Variants in NETO1 observed in about 807,000 individuals in gnomAD.
NETO1 encodes the protein neuropilin and tolloid-like protein 1.
NETO1 carries 26 observed loss-of-function variants against 61.3 expected under a neutral mutation model. The ratio of observed to expected loss-of-function variants is 0.42; its 90% confidence interval spans 0.31 to 0.59. The LOEUF is 0.59. Among genes scored for constraint, NETO1 ranks in the 20% least tolerant of loss-of-function variants. The probability of loss-of-function intolerance (pLI) is 0.12; values close to 1 mark genes in which losing one functional copy is unlikely to be tolerated. For synonymous variants in NETO1, 225 were observed against 225.8 expected (o/e 1.00, Z 0.03); for missense variants, 531 against 662.8 (o/e 0.80, Z 2.18).
chr18:72,823,900 G>A (rs2145319842), intron 4 of NETO1, among the ~76,000 whole-genome samples: 1 of 152,180 alleles, frequency 6.6e-6, no homozygotes, highest in East Asian at 1.9e-4. Flanking sequence ...CCCCTAAACA[G>A]AGGAGAAGCT....
rs1346506095 is a variant in NETO1 at position 72,835,251 on chromosome 18, G to A, written c.469+23575C>T. ...CGTTCTGGGCACCACAGCATCCAGA[G>A]ATGAGATGATGGAGAAGGAGAGATC... On this transcript the variant is annotated intron_variant, in intron 4 of 10. Coordinates refer to ENST00000327305, the MANE Select transcript of NETO1 (RefSeq NM_138966.5). 7 of 1,543,456 alleles carry A rather than the reference G, an allele frequency of 4.5e-6. No homozygotes were observed. The East Asian group carries it at 6.9e-5, about 15-fold the overall frequency.
intron 4 of NETO1, among the ~76,000 whole-genome samples, chr18:72,801,814 C>T (rs2072517013): frequency 6.6e-6 from 1 of 151,992 alleles, no homozygotes; most frequent in Admixed American, 6.6e-5. Flanking sequence ...AATATTTCCT[C>T]TTAAATAAAA....
At chr18:72,774,438 T>C (rs1311553234) in intron 7 of NETO1, among the ~76,000 whole-genome samples, 1 of 152,180 alleles carries the variant, frequency 6.6e-6, no homozygotes, top group Non-Finnish European at 1.5e-5. Flanking sequence ...AAAATTATTC[T>C]AAATATAATC....
intron 4 of NETO1, among the ~76,000 whole-genome samples, chr18:72,797,160 T>C (rs1043233952): frequency 7.2e-5 from 11 of 152,188 alleles, no homozygotes; most frequent in African/African-American, 2.7e-4. Flanking sequence ...TATCTCCTTC[T>C]TGATTAGAAG....
At chr18:72,801,751 A>T (rs1158689416) in intron 4 of NETO1, among the ~76,000 whole-genome samples, 1 of 152,176 alleles carries the variant, frequency 6.6e-6, no homozygotes, top group African/African-American at 2.4e-5. Context: ...ATCTAATTTG[A>T]AATCTTTTGT....
chr18:72,850,164 A>T lies in NETO1; in HGVS notation c.469+8662T>A, dbSNP rs1016689489. On this transcript the variant is annotated intron_variant, in intron 4 of 10. Transcript: ENST00000327305. ...TGTGGGGAGGGTATATTATCTGGCT[A>T]CTATACATGGCTTCTAGTTTTTAAC... is the stretch of plus-strand genomic sequence containing the variant. 2.8e-4 allele frequency among the ~76,000 whole-genome samples: 42 copies of T among 152,248 alleles called. 1 individual carries two copies. The highest frequency in any genetic ancestry group is 8.8e-5 in the Non-Finnish European group (6 of 68,042).
At chr18:72,764,570 G>C (rs2071088664) in intron 7 of NETO1, among the ~76,000 whole-genome samples, 1 of 151,976 alleles carries the variant, frequency 6.6e-6, no homozygotes, top group African/African-American at 2.4e-5. Context: ...ATTTTCATCA[G>C]ACACAGAGCC....
At chr18:72,802,062 A>T (rs538793290) in intron 4 of NETO1, among the ~76,000 whole-genome samples, 5 of 152,256 alleles carry the variant, frequency 3.3e-5, no homozygotes, top group Admixed American at 6.5e-5. Flanking sequence ...CCTCCACTTT[A>T]TAGATGTTAA....
chr18:72,836,419 A>C (rs568532539), intron 4 of NETO1, among the ~76,000 whole-genome samples: 1 of 152,282 alleles, frequency 6.6e-6, no homozygotes, highest in African/African-American at 2.4e-5. Context: ...AACTTTAATT[A>C]ATGATTTAAA....
chr18:72,831,170 T>C (rs890961091), intron 4 of NETO1, among the ~76,000 whole-genome samples: 2 of 152,224 alleles, frequency 1.3e-5, no homozygotes, highest in Non-Finnish European at 2.9e-5. Context: ...TCCTTCTCGA[T>C]ATTTCTTAGC....
At chr18:72,867,166 G>T (rs6566677) in intron 1 of NETO1, 98 bp downstream of exon 1, 190,862 of 901,002 alleles carry the variant, frequency 0.21, 23,411 homozygotes, top group Middle Eastern at 0.3. Context: ...GGGTCCGCCG[G>T]AGCGCGGCGC....
intron 4 of NETO1, among the ~76,000 whole-genome samples, chr18:72,816,440 A>C (rs1599061495): frequency 6.6e-6 from 1 of 152,074 alleles, no homozygotes; most frequent in Non-Finnish European, 1.5e-5. Context: ...CAAAATGAAA[A>C]GAAGTCCCTA....
chr18:72,772,423 G>A (rs2145180723), intron 7 of NETO1, among the ~76,000 whole-genome samples: 1 of 152,056 alleles, frequency 6.6e-6, no homozygotes, highest in Non-Finnish European at 1.5e-5. Context: ...CTCCTTGTTT[G>A]AATCATCTAA....
chr18:72,806,278 T>C (rs76760297), intron 4 of NETO1, among the ~76,000 whole-genome samples: 2,000 of 152,214 alleles, frequency 0.013, 48 homozygotes, highest in African/African-American at 0.046. Flanking sequence ...GAGAAAACAA[T>C]CAGGGACAAT....
downstream of NETO1, among the ~76,000 whole-genome samples, chr18:72,743,290 G>A (rs2070369600): frequency 6.6e-6 from 1 of 152,076 alleles, no homozygotes; most frequent in Non-Finnish European, 1.5e-5. Flanking sequence ...ACTCTAGGTG[G>A]AAATTTCTCC....
chr18:72,860,090 C>G (rs1227914574), intron 3 of NETO1, among the ~76,000 whole-genome samples: 2 of 152,138 alleles, frequency 1.3e-5, no homozygotes, highest in African/African-American at 4.8e-5. Context: ...CTGGTACGTC[C>G]AAAACAGTCC....
At chr18:72,781,067 G>A (rs530717548) in intron 7 of NETO1, among the ~76,000 whole-genome samples, 9 of 152,158 alleles carry the variant, frequency 5.9e-5, no homozygotes, top group South Asian at 2.1e-4. Context: ...CCACAGGACC[G>A]TCCTAGGCAT....
At chr18:72,809,163 C>A (rs1349035938) in intron 4 of NETO1, among the ~76,000 whole-genome samples, 1 of 152,052 alleles carries the variant, frequency 6.6e-6, no homozygotes, top group East Asian at 1.9e-4. Flanking sequence ...TTTATAAAAG[C>A]CACACATAAG....
rs1245144589 is a variant in NETO1 at position 72,745,902 on chromosome 18, G to A, written c.*2277C>T. On this transcript the variant is annotated 3_prime_UTR_variant, in exon 11 of 11. Transcript: ENST00000327305. ...TGAGAAATTTTAGAGTTATCACTGA[G>A]GAGGCCTGTTCTTCATTTAAAATAC... 1 of 152,170 alleles carries A rather than the reference G, an allele frequency of 6.6e-6. No homozygotes were observed. The highest frequency in any genetic ancestry group is 1.5e-5 in the Non-Finnish European group (1 of 68,022). 9.4% of individuals were successfully genotyped at this position (152,170 alleles called of 1,614,324 possible).
Sources: gnomAD v4.1 joint callset for allele counts (sites outside exome capture counted in the v4.1 genomes callset) on GRCh38, gnomAD v4.1.1 for gene constraint, MANE v1.5 for transcripts, NCBI Gene and HGNC (gene_info 2026-07-23, HGNC 2026-07-21) for gene names.